CCAR2: variants seen among roughly 807,000 people sequenced by gnomAD.
CCAR2 encodes the protein cell cycle and apoptosis regulator 2, also known as cell cycle and apoptosis regulator protein 2.
In CCAR2, 21 loss-of-function variants were observed where a neutral mutation model predicts 108.1. The observed-to-expected ratio is 0.19, with a 90% CI of 0.14 to 0.28. CCAR2 has a LOEUF of 0.28. Among genes scored for constraint, CCAR2 ranks in the 10% least tolerant of loss-of-function variants. CCAR2 has a pLI of 1.00. For synonymous variants in CCAR2, 577 were observed against 472.8 expected (o/e 1.22, Z -2.86); for missense variants, 1,126 against 1,177.0 (o/e 0.96, Z 0.63).
rs200426159 is a variant in CCAR2, at chr8:22,616,126, A to G, written c.1723A>G (p.Lys575Glu). 18 of 1,613,694 alleles carry G rather than the reference A, an allele frequency of 1.1e-5. No homozygotes were observed. Among genetic ancestry groups the G allele is most frequent in the East Asian group, 4.5e-5 (2 of 44,880 alleles). Residue 575 changes from lysine (K) to glutamate (E), a missense_variant, in exon 14 of 21, where the codon AAG becomes GAG. Lys to Glu is a moderately conservative substitution (Grantham distance 56). Transcript: ENST00000308511. Reference sequence around the variant, plus strand: ...GGTCGTGTCCCCACCTGAACCTGAGAAGGAGGAGGCGGCCAAGGAAGAAGC... The same window carrying G: ...GGTCGTGTCCCCACCTGAACCTGAGGAGGAGGAGGCGGCCAAGGAAGAAGC... ...EKVVSPPEPEKEEAAKEEATK... is the reference protein window; with the variant it reads ...EKVVSPPEPEEEEAAKEEATK...
chr8:22,607,430 C>A, intron 6 of CCAR2, 105 bp downstream of exon 6: 4 of 1,266,006 alleles, frequency 3.2e-6, no homozygotes, highest in Non-Finnish European at 4.3e-6. Flanking sequence ...CTTCTATGTA[C>A]TGGAAGAAAG....
chr8:22,610,847 T>C (rs1485368012), intron 7 of CCAR2, among the ~76,000 whole-genome samples: 1 of 152,212 alleles, frequency 6.6e-6, no homozygotes, highest in Non-Finnish European at 1.5e-5. Flanking sequence ...TTTATTTCTC[T>C]CATGTGACAT....
intron 11 of CCAR2, 31 bp downstream of exon 11, chr8:22,615,032 C>G (rs1801443375): frequency 6.6e-7 from 1 of 1,520,254 alleles, no homozygotes; most frequent in Non-Finnish European, 8.8e-7. Flanking sequence ...TCAGCTGCAC[C>G]AACGCACCAG....
chr8:22,614,415 T>G lies in CCAR2; in HGVS notation c.953T>G (p.Leu318Trp), dbSNP rs1247129273. ...GTACTGCTGCTCTCTTCCCCGGGGT[T>G]GGAGGAATTGTATCGTTGTTGCATG... ...SKVLLLSSPG[L>W]EELYRCCMLF... Residue 318 changes from leucine (L) to tryptophan (W), a missense_variant, in exon 10 of 21, where the codon TTG (leucine) becomes TGG (tryptophan). By Grantham distance (61) the Leu-to-Trp change is moderately conservative. Around this residue, in one of 4 missense-constraint regions of CCAR2, gnomAD observed 1,013 missense variants for 993.9 expected, o/e 1.02. Transcript: ENST00000308511. 6.2e-7 allele frequency: 1 copy of G among 1,614,034 alleles called. No individual in the cohort carries two copies. The highest frequency in any genetic ancestry group is 8.5e-7 in the Non-Finnish European group (1 of 1,179,978).
rs1801454473 is a variant in CCAR2, at chr8:22,615,248, CACTG to C, written c.1206-171_1206-168del. ...GGTGCTTGTGTGGTTGCGGCCTCCC[CACTG>C]ACTGATCATTTCTTGAGGACTTGGT... On this transcript the variant is annotated intron_variant, in intron 11 of 20. Coordinates refer to ENST00000308511, the MANE Select transcript of CCAR2 (RefSeq NM_001393997.1). 6 of 905,676 alleles carry C rather than the reference CACTG, an allele frequency of 6.6e-6. No individual in the cohort carries two copies. The South Asian group carries it at 6.7e-5, about 10-fold the overall frequency. 56.1% of individuals were successfully genotyped at this position (905,676 alleles called of 1,614,324 possible).
At chr8:22,609,052 C>CTTTTTTTTTTT (rs71546822) in intron 7 of CCAR2, among the ~76,000 whole-genome samples, 2 of 133,154 alleles carry the variant, frequency 1.5e-5, no homozygotes, top group African/African-American at 2.8e-5. Flanking sequence ...CTTTTTTTTT[C>CTTTTTTTTTTT]TTTTTTTTTT....
Position 22,605,851 on chromosome 8 carries a change from C to T in CCAR2, c.58+20C>T, listed in dbSNP as rs1801055782. 2.5e-6 allele frequency: 4 copies of T among 1,610,874 alleles called. No homozygotes were observed. In the East Asian group the frequency reaches 6.7e-5, roughly 27 times the overall value. On this transcript the variant is annotated intron_variant, in intron 2 of 20. Transcript: ENST00000308511. ...TCTCAGGTGATCACTGTTCTCCCTA[C>T]CTGGCCTCATCCTGGGAAGTATGTG... is the stretch of plus-strand genomic sequence containing the variant.
Position 22,615,702 on chromosome 8 carries a change from G to A in CCAR2, c.1398G>A (p.Gln466=), listed in dbSNP as rs914020039. ...CACAGGAAACGGAGCCTACTGAACA[G>A]GCACCTGATGCCTTGGAGCAAGCAG... The part of the protein sequence containing the change: ...EAQGETEPTE[Q]APDALEQAAD... The change falls in exon 13 of 21, where the codon CAG becomes CAA. Residue 466 remains glutamine, a synonymous_variant. Transcript: ENST00000308511. The A allele has an allele frequency of 1.2e-6, 2 of 1,613,590 alleles. No homozygotes were observed. Among genetic ancestry groups the A allele is most frequent in the African/African-American group, 2.7e-5 (2 of 74,874 alleles).
rs1248272283 is a variant in CCAR2, at chr8:22,615,818, T to C, written c.1514T>C (p.Leu505Pro). 6.2e-7 allele frequency: 1 copy of C among 1,613,858 alleles called. No homozygotes were observed. Among genetic ancestry groups the C allele is most frequent in the Non-Finnish European group, 8.5e-7 (1 of 1,179,964 alleles). The change falls in exon 13 of 21, where the codon CTA becomes CCA. Residue 505 changes from leucine (L) to proline (P), a missense_variant. Transcript: ENST00000308511. ...TDLPEAPPPP[L>P]EPAVIARPGC... Reference sequence around the variant, plus strand: ...CTCCCAGAGGCCCCTCCACCCCCCCTAGAACCTGCTGTCATCGCACGCCCT... The same window carrying C: ...CTCCCAGAGGCCCCTCCACCCCCCCCAGAACCTGCTGTCATCGCACGCCCT...
rs774037668 is a variant in CCAR2, at chr8:22,618,721, G to A, written c.2325G>A (p.Val775=). The A allele has an allele frequency of 6.2e-7, 1 of 1,613,922 alleles. No homozygotes were observed. Among genetic ancestry groups the A allele is most frequent in the South Asian group, 1.1e-5 (1 of 91,070 alleles). Reference sequence around the variant, plus strand: ...TGGATGGTGGCCTTCCCGAGGAGGTGCTCTTCGGTATGTTCTGGGGCCCTG... The same window carrying A: ...TGGATGGTGGCCTTCCCGAGGAGGTACTCTTCGGTATGTTCTGGGGCCCTG... ...EGLDGGLPEE[V]LFGNLDLLPP... The change falls in exon 18 of 21, where the codon GTG becomes GTA. Residue 775 remains valine (V), a synonymous_variant. Coordinates refer to ENST00000308511, the MANE Select transcript of CCAR2 (RefSeq NM_001393997.1).
rs200440587 is a variant in CCAR2 at position 22,617,375 on chromosome 8, G to T, written c.1846-45G>T. 236 of 1,515,312 alleles carry T rather than the reference G, an allele frequency of 1.6e-4. No individual in the cohort carries two copies. In the African/African-American group the frequency reaches 3.0e-3, roughly 19 times the overall value. The allele number at this position is 1,515,312 out of a possible 1,614,324, so 93.9% of individuals were successfully genotyped here. On this transcript the variant is annotated intron_variant, in intron 14 of 20. Coordinates refer to ENST00000308511, the MANE Select transcript of CCAR2 (RefSeq NM_001393997.1). ...AGCCATGCTTACTATTGGTAATTAT[G>T]GTAACTGCCTGCCTTTTCCTTATAA...
chr8:22,613,459 G>A (rs1801374682), intron 8 of CCAR2, among the ~76,000 whole-genome samples: 2 of 147,386 alleles, frequency 1.4e-5, no homozygotes, highest in African/African-American at 5.0e-5. Flanking sequence ...AAATTTTCTT[G>A]GAATGAACAT....
At position 22,616,219 on chromosome 8, in the gene CCAR2, G is replaced by A. The variant is rs201457211; in HGVS notation, c.1816G>A (p.Gly606Ser). 4 of 1,613,248 alleles carry A rather than the reference G, an allele frequency of 2.5e-6. No homozygotes were observed. Among genetic ancestry groups the A allele is most frequent in the Non-Finnish European group, 3.4e-6 (4 of 1,179,996 alleles). The change falls in exon 14 of 21, where the codon GGC (glycine) becomes AGC (serine). Residue 606 changes from glycine to serine, a missense_variant. By Grantham distance (56) the Gly-to-Ser change is moderately conservative. Transcript: ENST00000308511. ...KEPKDEAQNE[G>S]PATESEAPLK... ...GCCCAAGGATGAGGCACAGAATGAGGGCCCGGCTACAGAGTCAGAGGCCCC... is the reference window on the plus strand; with the variant it reads ...GCCCAAGGATGAGGCACAGAATGAGAGCCCGGCTACAGAGTCAGAGGCCCC...
At chr8:22,614,575 G>T (rs1801422210) in intron 10 of CCAR2, 72 bp downstream of exon 10, 1 of 1,396,746 alleles carries the variant, frequency 7.2e-7, no homozygotes, top group African/African-American at 1.4e-5. Context: ...TGAGTGTTCG[G>T]CTCCTGTTCC....
intron 17 of CCAR2, 42 bp downstream of exon 17, chr8:22,618,537 C>T: frequency 2.5e-6 from 4 of 1,614,104 alleles, no homozygotes; most frequent in Non-Finnish European, 2.5e-6. Context: ...CACAGGCCTG[C>T]ACTTACTCCT....
chr8:22,608,906 C>T (rs1040569556), intron 7 of CCAR2, among the ~76,000 whole-genome samples: 2 of 152,202 alleles, frequency 1.3e-5, no homozygotes, highest in African/African-American at 4.8e-5. Flanking sequence ...CATTCTTTTT[C>T]ATCTCTACCT....
At position 22,620,419 on chromosome 8, in the gene CCAR2, T is replaced by A. The variant is rs201210112; in HGVS notation, c.*737T>A. 1 of 114,782 alleles carries A rather than the reference T, an allele frequency of 8.7e-6. No homozygotes were observed. The highest frequency in any genetic ancestry group is 1.6e-5 in the Non-Finnish European group (1 of 61,464). 7.1% of individuals were successfully genotyped at this position (114,782 alleles called of 1,614,324 possible). A position where few individuals can be genotyped will look rare whatever the true frequency, so the allele number is the denominator to read the frequency against. The stretch of plus-strand genomic sequence containing the variant: ...TTGACTTTGTATATAAAGTTGGGGT[T>A]TTTTTTTTTTTTTTTTGGCTTGTTT... On this transcript the variant is annotated 3_prime_UTR_variant, in exon 21 of 21. Transcript: ENST00000308511.
At chr8:22,608,783 C>T (rs1483473777) in intron 7 of CCAR2, among the ~76,000 whole-genome samples, 3 of 152,230 alleles carry the variant, frequency 2.0e-5, no homozygotes, top group African/African-American at 7.2e-5. Flanking sequence ...CGTTCTAGTT[C>T]TGTCTTCATT....
intron 7 of CCAR2, among the ~76,000 whole-genome samples, chr8:22,611,494 CCTT>C (rs1801282231): frequency 1.3e-5 from 2 of 149,618 alleles, no homozygotes. Context: ...GTGGTTTCTA[CCTT>C]CTTTCTCTTT....
Sources: allele counts gnomAD v4.1 joint callset (sites outside exome capture counted in the v4.1 genomes callset), GRCh38; gene constraint gnomAD v4.1.1; regional missense constraint gnomAD v4.1.1; transcripts MANE v1.5; gene names NCBI Gene and HGNC (gene_info 2026-07-23, HGNC 2026-07-21).